Variants in LRP1B observed in about 807,000 individuals in gnomAD.
LRP1B encodes low-density lipoprotein receptor-related protein 1B.
In LRP1B, 217 loss-of-function variants were observed where a neutral mutation model predicts 556.6. That is an observed-to-expected ratio of 0.39 (90% CI 0.35 to 0.44). The LOEUF is 0.44. Ranked by LOEUF, LRP1B falls within the 20% of genes least tolerant of loss-of-function variation. The pLI is 1.00. For synonymous variants in LRP1B, 2,047 were observed against 1,865.8 expected (o/e 1.10, Z -2.50); for missense variants, 5,053 against 5,620.8 (o/e 0.90, Z 3.23).
At chr2:140,864,538 T>C (rs905253813) in intron 27 of LRP1B, among the ~76,000 whole-genome samples, 1 of 152,014 alleles carries the variant, frequency 6.6e-6, no homozygotes, top group Non-Finnish European at 1.5e-5. Context: ...TATTACAAAG[T>C]CATAATCACA....
chr2:141,550,051 C>A, intron 2 of LRP1B, among the ~76,000 whole-genome samples: 1 of 152,138 alleles, frequency 6.6e-6, no homozygotes, highest in East Asian at 1.9e-4. Context: ...AGAACTTACA[C>A]AAAACAATCC....
intron 41 of LRP1B, among the ~76,000 whole-genome samples, chr2:140,636,817 AT>A (rs1684085673): frequency 6.6e-6 from 1 of 152,190 alleles, no homozygotes; most frequent in Non-Finnish European, 1.5e-5. Context: ...AAATAAATGC[AT>A]TACCCACAGA....
At chr2:140,480,641 A>G (rs1038939813) in intron 59 of LRP1B, among the ~76,000 whole-genome samples, 1 of 151,888 alleles carries the variant, frequency 6.6e-6, no homozygotes, top group Admixed American at 6.6e-5. Context: ...GGGTTTCACC[A>G]TGTTGACCAG....
At chr2:140,516,117 G>C (rs1372118698) in intron 50 of LRP1B, among the ~76,000 whole-genome samples, 3 of 151,940 alleles carry the variant, frequency 2.0e-5, no homozygotes, top group Non-Finnish European at 4.4e-5. Context: ...AAAGTTTAAA[G>C]AAATAGAAGT....
At chr2:140,977,365 C>T (rs1372106721) in intron 18 of LRP1B, among the ~76,000 whole-genome samples, 1 of 152,150 alleles carries the variant, frequency 6.6e-6, no homozygotes, top group Non-Finnish European at 1.5e-5. Context: ...CCAGTTAAAC[C>T]TCTTTCTTTT....
intron 1 of LRP1B, among the ~76,000 whole-genome samples, chr2:142,043,013 G>A (rs1235631862): frequency 6.6e-6 from 1 of 151,316 alleles, no homozygotes; most frequent in Non-Finnish European, 1.5e-5. Flanking sequence ...TATCTCCAGG[G>A]ACACCATTGT....
chr2:141,367,471 C>CTTTTTTTT (rs1169568111), intron 3 of LRP1B, among the ~76,000 whole-genome samples: 1 of 44,922 alleles, frequency 2.2e-5, no homozygotes, highest in Non-Finnish European at 3.9e-5. Flanking sequence ...ATTTGAAATG[C>CTTTTTTTT]TTTTTTTTTT....
intron 3 of LRP1B, among the ~76,000 whole-genome samples, chr2:141,276,236 G>A (rs776669389): frequency 6.6e-6 from 1 of 151,706 alleles, no homozygotes; most frequent in Non-Finnish European, 1.5e-5. Context: ...CACTTCCTTC[G>A]CAGCACTTAC....
At chr2:141,700,680 C>T (rs1691911310) in intron 2 of LRP1B, among the ~76,000 whole-genome samples, 1 of 151,670 alleles carries the variant, frequency 6.6e-6, no homozygotes, top group East Asian at 1.9e-4. Context: ...CAAGGTGAGT[C>T]ATAGAAACCA....
chr2:141,942,234 TTC>T (rs1216060413), intron 1 of LRP1B, among the ~76,000 whole-genome samples: 2 of 152,188 alleles, frequency 1.3e-5, no homozygotes, highest in African/African-American at 4.8e-5. Flanking sequence ...CACACATCTT[TTC>T]TCTTTTTAAA....
At chr2:141,838,311 T>A (rs1037661042) in intron 1 of LRP1B, among the ~76,000 whole-genome samples, 1 of 152,132 alleles carries the variant, frequency 6.6e-6, no homozygotes, top group Non-Finnish European at 1.5e-5. Context: ...ACTCCTGGCC[T>A]ATAGAGCCAC....
At chr2:141,266,692 C>G (rs1684904028) in intron 3 of LRP1B, among the ~76,000 whole-genome samples, 1 of 152,082 alleles carries the variant, frequency 6.6e-6, no homozygotes, top group Non-Finnish European at 1.5e-5. Flanking sequence ...CATATATAAT[C>G]ATTTTTAGCA....
intron 2 of LRP1B, among the ~76,000 whole-genome samples, chr2:141,542,584 T>G (rs1024004168): frequency 6.6e-6 from 1 of 152,056 alleles, no homozygotes; most frequent in South Asian, 2.1e-4. Flanking sequence ...TCATCTGAAC[T>G]TTTTCCTAAA....
rs2105363162 is a variant in LRP1B at position 140,485,494 on chromosome 2, G to C, written c.9274C>G (p.Leu3092Val). Reference sequence around the variant, plus strand: ...TTTTTTCCAATCCAATCGACAGCAAGTGCATTGGGGACCGCTGTGTTATGA... The same window carrying C: ...TTTTTTCCAATCCAATCGACAGCAACTGCATTGGGGACCGCTGTGTTATGA... ...VVHNTAVPNA[L>V]AVDWIGKNLY... The change falls in exon 59 of 91, where the codon CTT becomes GTT. Residue 3092 changes from leucine to valine, a missense_variant. Around this residue, in one of 5 missense-constraint regions of LRP1B, gnomAD observed 3,619 missense variants for 3,931.9 expected, o/e 0.92. Transcript: ENST00000389484. The C allele has an allele frequency of 6.2e-7, 1 of 1,613,714 alleles. No individual in the cohort carries two copies.
intron 12 of LRP1B, among the ~76,000 whole-genome samples, chr2:141,018,427 T>C (rs1697970267): frequency 6.6e-6 from 1 of 152,134 alleles, no homozygotes; most frequent in Non-Finnish European, 1.5e-5. Context: ...TTAATCAGAA[T>C]TGCCTTCAAA....
chr2:141,953,047 G>T (rs1382244737), intron 1 of LRP1B, among the ~76,000 whole-genome samples: 1 of 151,962 alleles, frequency 6.6e-6, no homozygotes, highest in Non-Finnish European at 1.5e-5. Context: ...ATGTATTGGA[G>T]GTATTCAACA....
chr2:141,632,516 A>T (rs1236544008), intron 2 of LRP1B, among the ~76,000 whole-genome samples: 1 of 152,220 alleles, frequency 6.6e-6, no homozygotes, highest in Non-Finnish European at 1.5e-5. Flanking sequence ...GAGAAAAGTC[A>T]GTGCTATACT....
At chr2:141,481,021 T>C (rs1682901133) in intron 2 of LRP1B, among the ~76,000 whole-genome samples, 1 of 152,212 alleles carries the variant, frequency 6.6e-6, no homozygotes, top group Admixed American at 6.5e-5. Flanking sequence ...TTTAGTCTGT[T>C]CTTTAAGAAT....
intron 7 of LRP1B, among the ~76,000 whole-genome samples, chr2:141,117,307 T>C (rs1405989879): frequency 1.3e-5 from 2 of 151,734 alleles, no homozygotes; most frequent in African/African-American, 4.8e-5. Flanking sequence ...ACTACTGTTC[T>C]TAGAGATAAT....
Sources: allele counts gnomAD v4.1 joint callset (sites outside exome capture counted in the v4.1 genomes callset), GRCh38; gene constraint gnomAD v4.1.1; regional missense constraint gnomAD v4.1.1; transcripts MANE v1.5; gene names NCBI Gene and HGNC (gene_info 2026-07-23, HGNC 2026-07-21).